Variants in ITIH5 observed in about 807,000 individuals in gnomAD.
ITIH5 encodes the protein inter-alpha-trypsin inhibitor heavy chain 5, also known as inter-alpha-trypsin inhibitor heavy chain H5.
A neutral mutation model predicts 77.5 loss-of-function variants in ITIH5; 65 were observed. That is an observed-to-expected ratio of 0.84 (90% confidence interval 0.69 to 1.03). The LOEUF is 1.03. Ranked by LOEUF, ITIH5 falls within the 50% of genes least tolerant of loss-of-function variation. The pLI is 0.00. For missense variants in ITIH5, 1,208 were observed against 1,213.1 expected (o/e 1.00, Z 0.06); for synonymous variants, 525 against 494.3 (o/e 1.06, Z -0.82).
intron 9 of ITIH5, 32 bp from the exon 10 acceptor site, chr10:7,577,044 C>G (rs1033470426): frequency 1.3e-6 from 2 of 1,565,360 alleles, no homozygotes; most frequent in African/African-American, 1.4e-5. Context: ...GGAGGGAGAT[C>G]AGGGCCCTGC....
chr10:7,596,352 TAAG>T (rs766762301), intron 7 of ITIH5, among the ~76,000 whole-genome samples: 2 of 152,156 alleles, frequency 1.3e-5, no homozygotes, highest in Non-Finnish European at 2.9e-5. Flanking sequence ...TCGCGTCTAA[TAAG>T]ACCCTCAGAG....
chr10:7,641,837 TCA>T (rs1833894170), intron 3 of ITIH5, 88 bp downstream of exon 3: 2 of 1,036,372 alleles, frequency 1.9e-6, no homozygotes, highest in South Asian at 3.0e-5. Flanking sequence ...ATATAAATCC[TCA>T]CAGTCACAAG....
At chr10:7,617,034 G>T in intron 6 of ITIH5, 79 bp downstream of exon 6, 2 of 855,436 alleles carry the variant, frequency 2.3e-6, no homozygotes, top group Non-Finnish European at 3.3e-6. Context: ...TCTCCCTTAG[G>T]TAAATATTGG....
intron 7 of ITIH5, among the ~76,000 whole-genome samples, chr10:7,612,973 G>A (rs757695109): frequency 3.2e-4 from 48 of 152,140 alleles, no homozygotes; most frequent in East Asian, 3.8e-4. Flanking sequence ...GGCCGGGCGC[G>A]GTGGCTCATG....
intron 7 of ITIH5, among the ~76,000 whole-genome samples, chr10:7,615,002 C>T (rs1833335513): frequency 6.6e-6 from 1 of 152,128 alleles, no homozygotes; most frequent in African/African-American, 2.4e-5. Context: ...AATCCCAGCA[C>T]TTTGGGAGGC....
chr10:7,645,326 G>T (rs1398072269), intron 2 of ITIH5, among the ~76,000 whole-genome samples: 1 of 152,076 alleles, frequency 6.6e-6, no homozygotes, highest in Non-Finnish European at 1.5e-5. Context: ...AGTTTGAGAA[G>T]GAATTATTTC....
At chr10:7,571,510 G>A (rs1309325260) in intron 11 of ITIH5, 1 of 152,114 alleles carries the variant, frequency 6.6e-6, no homozygotes, top group Non-Finnish European at 1.5e-5. Context: ...TCTGCCTCCT[G>A]GGTTCAAGCG....
At chr10:7,637,773 G>A (rs1024244827) in intron 4 of ITIH5, among the ~76,000 whole-genome samples, 2 of 152,228 alleles carry the variant, frequency 1.3e-5, no homozygotes, top group Non-Finnish European at 2.9e-5. Flanking sequence ...AGGACGTTGA[G>A]TAGGTGAACT....
At chr10:7,639,569 A>G (rs10905206) in intron 4 of ITIH5, among the ~76,000 whole-genome samples, 61,676 of 151,908 alleles carry the variant, frequency 0.41, 13,727 homozygotes, top group African/African-American at 0.58. Context: ...TCTCAAAATG[A>G]TGTCTTTTTA....
At chr10:7,575,099 A>G (rs1316633) in intron 10 of ITIH5, among the ~76,000 whole-genome samples, 2 of 152,042 alleles carry the variant, frequency 1.3e-5, no homozygotes, top group Non-Finnish European at 2.9e-5. Flanking sequence ...GTCAATTGCA[A>G]CCTCGCTATC....
At position 7,576,595 on chromosome 10, in the gene ITIH5, G is replaced by GTAGCTC; in HGVS notation, c.1830_1835dup (p.Ser611_Tyr612insTer). On this transcript the variant is annotated stop_gained, in exon 10 of 14. Coordinates refer to ENST00000397146, the MANE Select transcript of ITIH5 (RefSeq NM_030569.7). LOFTEE classifies it high-confidence loss of function. Reference sequence around the variant, plus strand: ...TGGAGGTGAAGGGAGTGAGGAAGCGGTAGCTCACAGCCAGGGCCTGGGCCC... The same window carrying GTAGCTC: ...TGGAGGTGAAGGGAGTGAGGAAGCGGTAGCTCTAGCTCACAGCCAGGGCCTGGGCCC... The GTAGCTC allele has an allele frequency of 6.2e-7, 1 of 1,614,054 alleles. No homozygotes were observed.
intron 6 of ITIH5, among the ~76,000 whole-genome samples, 156 bp from the exon 7 acceptor site, chr10:7,616,254 C>G (rs1011411693): frequency 2.6e-5 from 4 of 152,138 alleles, no homozygotes; most frequent in African/African-American, 9.7e-5. Flanking sequence ...AGGCCCTGAT[C>G]CCTCCAAGAG....
At chr10:7,624,545 C>T (rs555113118) in intron 5 of ITIH5, among the ~76,000 whole-genome samples, 5 of 150,934 alleles carry the variant, frequency 3.3e-5, no homozygotes, top group East Asian at 2.0e-4. Context: ...AGGCCAGGCA[C>T]GGTGGCTCAT....
chr10:7,636,975 C>T (rs141894659), intron 5 of ITIH5, among the ~76,000 whole-genome samples: 3,373 of 152,166 alleles, frequency 0.022, 128 homozygotes, highest in African/African-American at 0.078. Flanking sequence ...CGCTTGAACA[C>T]GGGAGGCGGA....
At chr10:7,595,784 G>A (rs1320018979) in intron 7 of ITIH5, among the ~76,000 whole-genome samples, 1 of 152,120 alleles carries the variant, frequency 6.6e-6, no homozygotes, top group East Asian at 1.9e-4. Context: ...CGAGGCGGGC[G>A]GATCATGAGG....
chr10:7,627,359 G>C (rs1469645986), intron 5 of ITIH5, among the ~76,000 whole-genome samples: 1 of 150,492 alleles, frequency 6.6e-6, no homozygotes, highest in African/African-American at 2.4e-5. Flanking sequence ...AATTAAACAG[G>C]TTCAATTCAA....
At chr10:7,638,709 C>T (rs536054668) in intron 4 of ITIH5, among the ~76,000 whole-genome samples, 9 of 152,232 alleles carry the variant, frequency 5.9e-5, no homozygotes, top group African/African-American at 2.2e-4. Flanking sequence ...AAAAAGCCAA[C>T]CCAGAAGAAT....
At chr10:7,652,461 A>G (rs1588429678) in intron 2 of ITIH5, among the ~76,000 whole-genome samples, 1 of 152,170 alleles carries the variant, frequency 6.6e-6, no homozygotes, top group South Asian at 2.1e-4. Flanking sequence ...ACATGCACGC[A>G]AGAGAGTGAT....
chr10:7,613,515 T>C (rs1190304368), intron 7 of ITIH5, among the ~76,000 whole-genome samples: 1 of 152,004 alleles, frequency 6.6e-6, no homozygotes, highest in Non-Finnish European at 1.5e-5. Context: ...ATATAAAAGA[T>C]TAAAAACTGT....
Sources: gnomAD v4.1 joint callset for allele counts (sites outside exome capture counted in the v4.1 genomes callset) on GRCh38, gnomAD v4.1.1 for gene constraint, MANE v1.5 for transcripts, NCBI Gene and HGNC (gene_info 2026-07-23, HGNC 2026-07-21) for gene names.